The following APTX variants were observed in gnomAD, a reference collection of about 807,000 sequenced individuals.
The protein encoded by APTX is forkhead-associated domain histidine triad-like protein.
APTX carries 33 observed loss-of-function variants against 42.3 expected under a neutral mutation model. The ratio of observed to expected loss-of-function variants is 0.78; its 90% CI spans 0.59 to 1.04. The LOEUF is 1.04. Among genes scored for constraint, APTX ranks in the 50% least tolerant of loss-of-function variants. The pLI, the probability that APTX is intolerant of heterozygous loss-of-function variation, is 0.00. For synonymous variants in APTX, 130 were observed against 146.7 expected (o/e 0.89, Z 0.82); for missense variants, 421 against 415.1 (o/e 1.01, Z -0.12).
At position 32,973,626 on chromosome 9, in the gene APTX, C is replaced by G. The variant is rs774598658; in HGVS notation, c.901G>C (p.Gly301Arg). Residue 301 changes from glycine (G) to arginine (R), a missense_variant, in exon 8 of 8, where the codon GGT becomes CGT. Transcript: ENST00000379817. ...ATCCCATCTCGGACAGTTACTCTACCAGCCTCTTGTACCATCTCGATCACA... is the reference window on the plus strand; with the variant it reads ...ATCCCATCTCGGACAGTTACTCTACGAGCCTCTTGTACCATCTCGATCACA... The part of the protein sequence containing the change: ...QAVIEMVQEA[G>R]RVTVRDGMPE... 1.2e-6 allele frequency: 2 copies of G among 1,613,450 alleles called. No individual in the cohort carries two copies. Among genetic ancestry groups the G allele is most frequent in the Non-Finnish European group, 1.7e-6 (2 of 1,179,956 alleles).
chr9:33,017,485 G>C (rs75667681), intron 1 of APTX, among the ~76,000 whole-genome samples: 1 of 152,126 alleles, frequency 6.6e-6, no homozygotes, highest in Non-Finnish European at 1.5e-5. Context: ...GGTTTCTTTT[G>C]TAAGGGCACT....
At chr9:32,989,928 A>G in intron 1 of APTX, 33 bp from the exon 2 acceptor site, 1 of 1,604,908 alleles carries the variant, frequency 6.2e-7, no homozygotes, top group Non-Finnish European at 8.5e-7. Context: ...CACTAGAAAA[A>G]CAGATCCACT....
intron 6 of APTX, among the ~76,000 whole-genome samples, chr9:32,980,611 G>A (rs899193651): frequency 2.0e-5 from 3 of 152,232 alleles, no homozygotes; most frequent in Non-Finnish European, 4.4e-5. Flanking sequence ...CGGATAGGGA[G>A]GAACATGGAG....
intron 1 of APTX, among the ~76,000 whole-genome samples, chr9:32,995,292 G>A (rs1834562958): frequency 6.6e-6 from 1 of 152,172 alleles, no homozygotes. Context: ...ATGCCCTTAA[G>A]AACATCTGTA....
chr9:32,994,671 A>C (rs1834403568), intron 1 of APTX, among the ~76,000 whole-genome samples: 1 of 152,232 alleles, frequency 6.6e-6, no homozygotes, highest in South Asian at 2.1e-4. Flanking sequence ...AATATTTCAA[A>C]CTTTTTCGTT....
chr9:32,988,924 G>A (rs1442882865), intron 2 of APTX, among the ~76,000 whole-genome samples: 1 of 152,222 alleles, frequency 6.6e-6, no homozygotes, highest in African/African-American at 2.4e-5. Context: ...GCATGTGTGA[G>A]AAGTGGTAAC....
intron 1 of APTX, among the ~76,000 whole-genome samples, chr9:32,992,081 G>A (rs1444654708): frequency 2.0e-5 from 3 of 152,134 alleles, no homozygotes; most frequent in Admixed American, 6.6e-5. Flanking sequence ...ACCCAATGAG[G>A]TGAAACAGGG....
At chr9:32,979,145 T>C (rs1830123726) in intron 6 of APTX, among the ~76,000 whole-genome samples, 1 of 152,096 alleles carries the variant, frequency 6.6e-6, no homozygotes, top group Non-Finnish European at 1.5e-5. Flanking sequence ...ACCCAGGTAA[T>C]AAGCATAGTA....
upstream of APTX, among the ~76,000 whole-genome samples, chr9:33,005,178 A>G (rs747242864): frequency 6.6e-6 from 1 of 152,162 alleles, no homozygotes; most frequent in African/African-American, 2.4e-5. Context: ...CTGATCAAAT[A>G]TAAGATTCCC....
At chr9:33,009,812 A>G (rs1837411850) in intron 1 of APTX, among the ~76,000 whole-genome samples, 1 of 150,640 alleles carries the variant, frequency 6.6e-6, no homozygotes, top group Non-Finnish European at 1.5e-5. Context: ...TAAAGAAAAG[A>G]AAAGGGAAAA....
At chr9:33,019,539 AG>A (rs1838191976) in intron 1 of APTX, 1 of 325,018 alleles carries the variant, frequency 3.1e-6, no homozygotes, top group Non-Finnish European at 5.7e-6. Flanking sequence ...TTTAAGAACC[AG>A]AGAAAACAAG....
At position 32,987,557 on chromosome 9, in the gene APTX, G is replaced by C; in HGVS notation, c.470C>G (p.Ala157Gly). 6.2e-7 allele frequency: 1 copy of C among 1,613,754 alleles called. No homozygotes were observed. The highest frequency in any genetic ancestry group is 8.5e-7 in the Non-Finnish European group (1 of 1,180,024). The change falls in exon 4 of 8, where the codon GCA (alanine) becomes GGA (glycine). Residue 157 changes from alanine (A) to glycine (G), a missense_variant. Coordinates refer to ENST00000379817, the MANE Select transcript of APTX (RefSeq NM_001195248.2). The stretch of plus-strand genomic sequence containing the variant: ...CACTACCCTCACCTTTTTGATAGGT[G>C]CATCTTTTCCCTTCTTTAGGGGCAC... ...CSVPLKKGKD[A>G]PIKKESLGHW...
intron 2 of APTX, among the ~76,000 whole-genome samples, 176 bp from the exon 3 acceptor site, chr9:32,988,305 A>G (rs1450445899): frequency 1.3e-5 from 2 of 152,070 alleles, no homozygotes; most frequent in Non-Finnish European, 2.9e-5. Flanking sequence ...AAATCCTACC[A>G]ATTTCTAAAG....
At chr9:32,982,005 A>AC (rs1434594326) in intron 6 of APTX, among the ~76,000 whole-genome samples, 3 of 152,078 alleles carry the variant, frequency 2.0e-5, no homozygotes, top group African/African-American at 4.8e-5. Context: ...AAAAAAAAAA[A>AC]AACAGTAATT....
chr9:32,974,752 A>G (rs62542135), intron 6 of APTX, among the ~76,000 whole-genome samples, 191 bp from the exon 7 acceptor site: 553 of 152,332 alleles, frequency 3.6e-3, no homozygotes, highest in Non-Finnish European at 6.7e-3. Flanking sequence ...TTAATGCTCA[A>G]TAAGTATGTA....
chr9:33,001,245 C>A, intron 1 of APTX: 1 of 1,353,742 alleles, frequency 7.4e-7, no homozygotes, highest in Non-Finnish European at 9.7e-7. Context: ...GAAACGCTGC[C>A]CTTCCCGACA....
chr9:33,001,140 C>T (rs1468572223), intron 1 of APTX, among the ~76,000 whole-genome samples: 2 of 152,040 alleles, frequency 1.3e-5, no homozygotes, highest in South Asian at 2.1e-4. Context: ...AGCCACCCCG[C>T]CCGGCCAAGG....
chr9:33,007,854 C>T (rs1837269832), intron 1 of APTX, among the ~76,000 whole-genome samples: 1 of 151,984 alleles, frequency 6.6e-6, no homozygotes, highest in African/African-American at 2.4e-5. Context: ...CCCAACGCTC[C>T]CCACCAAGAC....
chr9:33,015,197 G>A (rs1421628085), intron 1 of APTX, among the ~76,000 whole-genome samples: 1 of 152,182 alleles, frequency 6.6e-6, no homozygotes, highest in Admixed American at 6.5e-5. Context: ...CCTTCTGGAT[G>A]AAAGCATTGC....
Sources: allele counts gnomAD v4.1 joint callset (sites outside exome capture counted in the v4.1 genomes callset), GRCh38; gene constraint gnomAD v4.1.1; transcripts MANE v1.5; gene names NCBI Gene and HGNC (gene_info 2026-07-23, HGNC 2026-07-21).